The following OTOP3 variants were observed in gnomAD, a reference collection of about 807,000 sequenced individuals.
OTOP3 encodes proton channel OTOP3.
OTOP3 carries 41 observed loss-of-function variants against 50.8 expected under a neutral mutation model. That is an observed-to-expected ratio of 0.81 (90% CI 0.63 to 1.05). The LOEUF (loss-of-function observed/expected upper bound fraction) is 1.05, where lower values mean the gene tolerates loss of function less well. Ranked by LOEUF, OTOP3 falls within the 50% of genes least tolerant of loss-of-function variation. The probability of loss-of-function intolerance (pLI) is 0.00; values close to 1 mark genes in which losing one functional copy is unlikely to be tolerated. For missense variants in OTOP3, 788 were observed against 760.8 expected, an observed-to-expected ratio of 1.04 and a Z score of -0.42; for synonymous variants, 320 against 324.4, an observed-to-expected ratio of 0.99 and a Z score of 0.14.
In OTOP3 at chr17:74,947,022, G is replaced by T. The variant is rs368567485; in HGVS notation, c.1113G>T (p.Ala371=). ...CTGTGCTGCCCACCATGAGTCTGGCGTGCCTGGCGGGCACAGCCATACACG... is the reference window on the plus strand; with the variant it reads ...CTGTGCTGCCCACCATGAGTCTGGCTTGCCTGGCGGGCACAGCCATACACG... ...YVAVLPTMSL[A]CLAGTAIHGL... is the part of the protein sequence containing the mutation. The change falls in exon 6 of 7, where the codon GCG becomes GCT. Residue 371 remains alanine (A), a synonymous_variant. Transcript: ENST00000328801. The T allele has an allele frequency of 1.9e-6, 3 of 1,613,892 alleles. No individual in the cohort carries two copies. Among genetic ancestry groups the T allele is most frequent in the Non-Finnish European group, 2.5e-6 (3 of 1,180,060 alleles).
intron 1 of OTOP3, among the ~76,000 whole-genome samples, chr17:74,937,709 T>C (rs1351508855): frequency 6.6e-6 from 1 of 152,198 alleles, no homozygotes; most frequent in Non-Finnish European, 1.5e-5. Flanking sequence ...GGGCAATCAC[T>C]GGGTGAATGT....
chr17:74,939,444 T>C (rs1475623814), intron 1 of OTOP3, among the ~76,000 whole-genome samples: 1 of 152,026 alleles, frequency 6.6e-6, no homozygotes, highest in African/African-American at 2.4e-5. Context: ...CTAGGGAGCC[T>C]TCTGGGTCAG....
chr17:74,949,085 G>C (rs566220637), intron 6 of OTOP3, among the ~76,000 whole-genome samples, 161 bp from the exon 7 acceptor site: 1 of 152,140 alleles, frequency 6.6e-6, no homozygotes, highest in East Asian at 1.9e-4. Flanking sequence ...AGATCTGGGG[G>C]AAAGAAGAGC....
rs769436263 is a variant in OTOP3 at position 74,941,790 on chromosome 17, G to A, written c.417G>A (p.Ala139=). 2.9e-5 allele frequency: 46 copies of A among 1,611,248 alleles called. No homozygotes were observed. The highest frequency in any genetic ancestry group is 3.5e-5 in the Non-Finnish European group (41 of 1,178,364). ...PHAVLYQDPH[A]GPLWVRGSLV... ...CCGTGCTCTACCAAGATCCCCACGC[G>A]GGGCCCCTCTGGGTGCGGGGTGAGT... The change falls in exon 2 of 7, where the codon GCG becomes GCA. Residue 139 remains alanine (A), a synonymous_variant. Coordinates refer to ENST00000328801, the MANE Select transcript of OTOP3 (RefSeq NM_001272005.2).
At position 74,949,647 on chromosome 17, in the gene OTOP3, G is replaced by A. The variant is rs2144792780; in HGVS notation, c.*231G>A. 1 of 530,238 alleles carries A rather than the reference G, an allele frequency of 1.9e-6. No individual in the cohort carries two copies. The highest frequency in any genetic ancestry group is 3.3e-6 in the Non-Finnish European group (1 of 305,370). The allele number at this position is 530,238 out of a possible 1,614,324, so 32.8% of individuals were successfully genotyped here. ...CACGGCCAGGCCTGGGCACATGCCTGCCCCCTGCCTTCCCACCACGATCCG... is the reference window on the plus strand; with the variant it reads ...CACGGCCAGGCCTGGGCACATGCCTACCCCCTGCCTTCCCACCACGATCCG... On this transcript the variant is annotated 3_prime_UTR_variant, in exon 7 of 7. Coordinates refer to ENST00000328801, the MANE Select transcript of OTOP3 (RefSeq NM_001272005.2).
chr17:74,949,747 GA>G lies in OTOP3; in HGVS notation c.*332del, dbSNP rs2039265927. ...CTCTGTGGGAGGGTCAGACCTACAT[GA>G]CCGAGTCTGGGGAGCTTGGCGAGGG... On this transcript the variant is annotated 3_prime_UTR_variant, in exon 7 of 7. Transcript: ENST00000328801. 3.6e-6 allele frequency: 1 copy of G among 275,090 alleles called. No individual in the cohort carries two copies. The highest frequency in any genetic ancestry group is 2.2e-5 in the African/African-American group (1 of 45,558). 17.0% of individuals were successfully genotyped at this position (275,090 alleles called of 1,614,324 possible).
chr17:74,942,116 A>T, intron 3 of OTOP3, 79 bp downstream of exon 3: 2 of 1,499,514 alleles, frequency 1.3e-6, no homozygotes, highest in Non-Finnish European at 1.8e-6. Context: ...CCCACTACCT[A>T]TGCCTAGGAA....
chr17:74,944,681 C>T (rs935932442), intron 5 of OTOP3, among the ~76,000 whole-genome samples: 6 of 152,116 alleles, frequency 3.9e-5, no homozygotes, highest in African/African-American at 1.2e-4. Context: ...CGCTTGAACC[C>T]GGGAGGCGGA....
At position 74,941,547 on chromosome 17, in the gene OTOP3, G is replaced by T; in HGVS notation, c.174G>T (p.Leu58=). ...KSWLVRHFSL[L]LRRDRQAQKA... Reference sequence around the variant, plus strand: ...GGCTGGTGAGGCATTTCTCTCTGCTGCTGCGGCGGGACCGGCAGGCCCAGA... The same window carrying T: ...GGCTGGTGAGGCATTTCTCTCTGCTTCTGCGGCGGGACCGGCAGGCCCAGA... The change falls in exon 2 of 7, where the codon CTG becomes CTT. Residue 58 remains leucine (L), a synonymous_variant. Coordinates refer to ENST00000328801, the MANE Select transcript of OTOP3 (RefSeq NM_001272005.2). 6.2e-7 allele frequency: 1 copy of T among 1,613,186 alleles called. No individual in the cohort carries two copies. The highest frequency in any genetic ancestry group is 8.5e-7 in the Non-Finnish European group (1 of 1,179,338).
Position 74,944,887 on chromosome 17 carries a change from T to A in OTOP3, c.751+1163T>A, listed in dbSNP as rs1014846279. Among the ~76,000 whole-genome samples the A allele has an allele frequency of 2.6e-4, 39 of 152,312 alleles. 1 individual carries two copies. The highest frequency in any genetic ancestry group is 8.9e-4 in the African/African-American group (37 of 41,572). On this transcript the variant is annotated intron_variant, in intron 5 of 6. Transcript: ENST00000328801. ...TTAATTTTTGCTGAAGTACTTAAAT[T>A]ACAGAAATCATGACATTATATCTCA...
At chr17:74,937,998 G>A (rs754779953) in intron 1 of OTOP3, among the ~76,000 whole-genome samples, 1 of 152,120 alleles carries the variant, frequency 6.6e-6, no homozygotes, top group Non-Finnish European at 1.5e-5. Context: ...TGGGAGAAAC[G>A]CAGAACTTTC....
intron 6 of OTOP3, among the ~76,000 whole-genome samples, chr17:74,948,455 G>A (rs2039250078): frequency 6.6e-6 from 1 of 152,204 alleles, no homozygotes; most frequent in Non-Finnish European, 1.5e-5. Flanking sequence ...GAGGCCAGGA[G>A]TTGGAGACCA....
intron 5 of OTOP3, among the ~76,000 whole-genome samples, chr17:74,944,446 A>G (rs2039206929): frequency 6.6e-6 from 1 of 152,196 alleles, no homozygotes; most frequent in Admixed American, 6.5e-5. Flanking sequence ...AAGTGACATC[A>G]TGGATTTTGA....
chr17:74,948,862 A>T (rs1020011961), intron 6 of OTOP3, among the ~76,000 whole-genome samples: 2 of 152,128 alleles, frequency 1.3e-5, no homozygotes, highest in Non-Finnish European at 2.9e-5. Flanking sequence ...TAATAAAAAT[A>T]AAAAGTAGCT....
chr17:74,939,561 C>A (rs1310292286), intron 1 of OTOP3, among the ~76,000 whole-genome samples: 1 of 152,134 alleles, frequency 6.6e-6, no homozygotes, highest in East Asian at 1.9e-4. Flanking sequence ...GGAGAGCATG[C>A]TGGACTCAGA....
At chr17:74,944,100 T>G (rs2039203499) in intron 5 of OTOP3, among the ~76,000 whole-genome samples, 1 of 152,060 alleles carries the variant, frequency 6.6e-6, no homozygotes, top group South Asian at 2.1e-4. Flanking sequence ...CCTAACACAA[T>G]TTTAGGTGCC....
chr17:74,935,958 G>T lies in OTOP3; in HGVS notation c.19+18G>T. 6.5e-7 allele frequency: 1 copy of T among 1,541,214 alleles called. No individual in the cohort carries two copies. On this transcript the variant is annotated intron_variant, in intron 1 of 6. Coordinates refer to ENST00000328801, the MANE Select transcript of OTOP3 (RefSeq NM_001272005.2). ...GGCCTCAGGTAAGCCCGGAGCGCCGGCGGAACTTTCCCAGCTTGCGCACCC... is the reference window on the plus strand; with the variant it reads ...GGCCTCAGGTAAGCCCGGAGCGCCGTCGGAACTTTCCCAGCTTGCGCACCC...
At chr17:74,943,485 G>A in intron 4 of OTOP3, 121 bp from the exon 5 acceptor site, 2 of 1,308,628 alleles carry the variant, frequency 1.5e-6, no homozygotes, top group Non-Finnish European at 2.2e-6. Flanking sequence ...CCTAGTGCCA[G>A]TGTGACACTA....
chr17:74,938,681 C>G (rs1250361505), intron 1 of OTOP3, among the ~76,000 whole-genome samples: 1 of 152,134 alleles, frequency 6.6e-6, no homozygotes, highest in African/African-American at 2.4e-5. Context: ...GAACCTGGAA[C>G]CTTGTCCAGG....
Sources: allele counts gnomAD v4.1 joint callset (sites outside exome capture counted in the v4.1 genomes callset), GRCh38; gene constraint gnomAD v4.1.1; transcripts MANE v1.5; gene names NCBI Gene and HGNC (gene_info 2026-07-23, HGNC 2026-07-21).